The following FMN1 variants were observed in gnomAD, a reference collection of about 807,000 sequenced individuals.
The protein encoded by FMN1 is formin 1.
FMN1 carries 110 observed loss-of-function variants against 132.4 expected under a neutral mutation model. That is an observed-to-expected ratio of 0.83 (90% CI 0.71 to 0.97). FMN1 has a LOEUF of 0.97. Ranked by LOEUF, FMN1 falls within the 50% of genes least tolerant of loss-of-function variation. The pLI is 0.00. For synonymous variants in FMN1, 722 were observed against 651.7 expected (o/e 1.11, Z -1.64); for missense variants, 1,792 against 1,705.3 (o/e 1.05, Z -0.90).
intron 9 of FMN1, among the ~76,000 whole-genome samples, chr15:32,953,436 A>G (rs778306397): frequency 2.0e-4 from 30 of 152,156 alleles, no homozygotes; most frequent in Non-Finnish European, 3.8e-4. Context: ...TGAATTTCCA[A>G]TGGTCTCAGG....
chr15:32,802,834 G>A (rs1192491716), intron 18 of FMN1, among the ~76,000 whole-genome samples: 1 of 152,136 alleles, frequency 6.6e-6, no homozygotes, highest in Non-Finnish European at 1.5e-5. Context: ...GCATTGTGAA[G>A]GGAAGCTTAA....
rs28414193 is a variant in FMN1 at position 33,166,935 on chromosome 15, C to T, written c.-131-11890G>A. Among the ~76,000 whole-genome samples, 926 of 152,318 alleles carry T rather than the reference C, an allele frequency of 6.1e-3. 8 individuals carry two copies. Among genetic ancestry groups the T allele is most frequent in the South Asian group, 0.015 (73 of 4,826 alleles). ...CCAACAAGGGCAACTGGACTCACCA[C>T]TGCTGTATGCCAAGCTCATGTGTTT... is the stretch of plus-strand genomic sequence containing the variant. On this transcript the variant is annotated intron_variant, in intron 3 of 20. Transcript: ENST00000616417.
intron 17 of FMN1, among the ~76,000 whole-genome samples, chr15:32,836,321 C>T (rs2058626304): frequency 6.6e-6 from 1 of 152,208 alleles, no homozygotes; most frequent in Admixed American, 6.5e-5. Context: ...ACAAAGCCAA[C>T]TGCATGGCGG....
intron 6 of FMN1, among the ~76,000 whole-genome samples, chr15:33,016,082 A>G (rs993813227): frequency 1.3e-5 from 2 of 152,254 alleles, no homozygotes; most frequent in African/African-American, 4.8e-5. Context: ...CACTGCTTTA[A>G]TAAGGCTTAT....
At chr15:32,782,190 A>C (rs1160264698) in intron 19 of FMN1, among the ~76,000 whole-genome samples, 1 of 152,234 alleles carries the variant, frequency 6.6e-6, no homozygotes, top group Non-Finnish European at 1.5e-5. Context: ...GGAATGACTT[A>C]GGGACAACGA....
At chr15:33,006,767 T>C (rs182754883) in intron 7 of FMN1, among the ~76,000 whole-genome samples, 32 of 152,286 alleles carry the variant, frequency 2.1e-4, no homozygotes, top group Non-Finnish European at 4.0e-4. Context: ...GAGAACATTA[T>C]GTTACGTGAA....
chr15:32,793,630 T>C (rs2057170384), intron 19 of FMN1, among the ~76,000 whole-genome samples: 1 of 152,222 alleles, frequency 6.6e-6, no homozygotes, highest in Non-Finnish European at 1.5e-5. Flanking sequence ...CTTGGGGCAT[T>C]TACTGTTTGT....
intron 6 of FMN1, among the ~76,000 whole-genome samples, chr15:33,029,384 G>C (rs777974755): frequency 6.6e-6 from 1 of 152,156 alleles, no homozygotes; most frequent in Non-Finnish European, 1.5e-5. Context: ...TCAGGGTAAA[G>C]GGAGAGAGAG....
chr15:32,894,387 G>A (rs571062479), intron 15 of FMN1, among the ~76,000 whole-genome samples: 2 of 152,066 alleles, frequency 1.3e-5, no homozygotes, highest in East Asian at 1.9e-4. Context: ...GGAAGGCTGA[G>A]GCACGAGAAT....
At position 32,823,381 on chromosome 15, in the gene FMN1, G is replaced by A. The variant is rs2058284112; in HGVS notation, c.3929-19049C>T. ...GGGTTTCACGGTGTTAGCCAGGAAG[G>A]TCTCGATCTCCTGACCTCGTGATCC... On this transcript the variant is annotated intron_variant, in intron 17 of 20. Coordinates refer to ENST00000616417, the MANE Select transcript of FMN1 (RefSeq NM_001277313.2). 2.0e-5 allele frequency among the ~76,000 whole-genome samples: 3 copies of A among 151,966 alleles called. No individual in the cohort carries two copies. The East Asian group carries it at 5.8e-4, about 29-fold the overall frequency.
At chr15:33,075,694 G>A (rs1595415022) in intron 5 of FMN1, among the ~76,000 whole-genome samples, 1 of 152,150 alleles carries the variant, frequency 6.6e-6, no homozygotes, top group Admixed American at 6.5e-5. Context: ...CCATGAATTT[G>A]GGGTTTCTTC....
intron 16 of FMN1, among the ~76,000 whole-genome samples, chr15:32,867,038 A>G (rs1214707663): frequency 1.3e-5 from 2 of 152,194 alleles, no homozygotes; most frequent in African/African-American, 2.4e-5. Flanking sequence ...TTCAGTAACC[A>G]TATCTGGGAT....
Position 32,950,010 on chromosome 15 carries a change from T to C in FMN1, c.3138+14097A>G, listed in dbSNP as rs1224557768. Among the ~76,000 whole-genome samples the C allele has an allele frequency of 3.4e-4, 3 of 8,854 alleles. 1 individual carries two copies. Among genetic ancestry groups the C allele is most frequent in the Admixed American group, 3.3e-3 (2 of 614 alleles). 5.8% of individuals were successfully genotyped at this position (8,854 alleles called of 152,430 possible). A position where few individuals can be genotyped will look rare whatever the true frequency, so the allele number is the denominator to read the frequency against. On this transcript the variant is annotated intron_variant, in intron 9 of 20. Coordinates refer to ENST00000616417, the MANE Select transcript of FMN1 (RefSeq NM_001277313.2). ...ACATATATATACACATACACATATA[T>C]ATATACACATATATATATATATACA...
At chr15:32,880,939 G>GT (rs1364284999) in intron 16 of FMN1, among the ~76,000 whole-genome samples, 13 of 152,066 alleles carry the variant, frequency 8.5e-5, no homozygotes, top group Non-Finnish European at 1.6e-4. Context: ...ATATCACATG[G>GT]TAAGTGGCAG....
intron 10 of FMN1, among the ~76,000 whole-genome samples, chr15:32,921,826 C>T (rs931269201): frequency 3.9e-5 from 6 of 152,042 alleles, no homozygotes; most frequent in Non-Finnish European, 8.8e-5. Flanking sequence ...TGTGCCACCA[C>T]CATGCCTGGC....
At chr15:33,032,925 G>A (rs572838781) in intron 6 of FMN1, among the ~76,000 whole-genome samples, 68 of 152,298 alleles carry the variant, frequency 4.5e-4, no homozygotes, top group Middle Eastern at 6.8e-3. Flanking sequence ...GTCATTGTGA[G>A]GTTTAGAGTT....
At chr15:32,949,940 C>CATATATATATATAT (rs373896522) in intron 9 of FMN1, among the ~76,000 whole-genome samples, 2 of 31,862 alleles carry the variant, frequency 6.3e-5, no homozygotes, top group African/African-American at 8.9e-5. Context: ...GGCCAAAAAG[C>CATATATATATATAT]ATATATATAT....
At position 33,154,446 on chromosome 15, in the gene FMN1, T is replaced by G. The variant is rs1964585883; in HGVS notation, c.469A>C (p.Lys157Gln). The stretch of plus-strand genomic sequence containing the variant: ...CTTCCACTAGACCTCCGAGGCTTTT[T>G]GTTCCCGTGGGTGCTCCTCTTATTG... ...PLNKRSTHGN[K>Q]KPRRSSGRRE... Residue 157 changes from lysine to glutamine, a missense_variant, in exon 4 of 21, where the codon AAA (lysine) becomes CAA (glutamine). This residue lies in a region of FMN1 where 638 missense variants were observed against 645.2 expected (regional missense o/e 0.99). Coordinates refer to ENST00000616417, the MANE Select transcript of FMN1 (RefSeq NM_001277313.2). The G allele has an allele frequency of 6.5e-7, 1 of 1,536,026 alleles. No individual in the cohort carries two copies. The highest frequency in any genetic ancestry group is 2.0e-5 in the Admixed American group (1 of 50,986).
chr15:33,115,225 G>A (rs979507968), intron 4 of FMN1, among the ~76,000 whole-genome samples: 1 of 152,138 alleles, frequency 6.6e-6, no homozygotes, highest in Admixed American at 6.6e-5. Flanking sequence ...GAAATAAAGA[G>A]CAGAGTTGCC....
Sources: gnomAD v4.1 joint callset for allele counts (sites outside exome capture counted in the v4.1 genomes callset) on GRCh38, gnomAD v4.1.1 for gene constraint, gnomAD v4.1.1 regional missense constraint, MANE v1.5 for transcripts, NCBI Gene and HGNC (gene_info 2026-07-23, HGNC 2026-07-21) for gene names.